Variants in SHROOM3 observed in about 807,000 individuals in gnomAD.
SHROOM3 encodes shroom family member 3.
SHROOM3 carries 47 observed loss-of-function variants against 138.6 expected under a neutral mutation model. The observed-to-expected ratio is 0.34, with a 90% confidence interval of 0.27 to 0.43. SHROOM3 has a LOEUF of 0.43. Ranked by LOEUF, SHROOM3 falls within the 20% of genes least tolerant of loss-of-function variation. SHROOM3 has a pLI of 1.00. For missense variants in SHROOM3, 2,491 were observed against 2,596.5 expected (o/e 0.96, Z 0.88); for synonymous variants, 1,062 against 1,063.3 (o/e 1.00, Z 0.02).
intron 1 of SHROOM3, among the ~76,000 whole-genome samples, chr4:76,491,654 A>G (rs1013572043): frequency 6.6e-6 from 1 of 152,210 alleles, no homozygotes; most frequent in Non-Finnish European, 1.5e-5. Context: ...CAAGAAAATT[A>G]GGGGAAGCTG....
intron 2 of SHROOM3, among the ~76,000 whole-genome samples, chr4:76,564,247 C>T (rs1733653647): frequency 6.6e-6 from 1 of 152,196 alleles, no homozygotes; most frequent in African/African-American, 2.4e-5. Flanking sequence ...TGAGACTTCC[C>T]TAGAGGGGAG....
At chr4:76,685,136 T>C (rs1186735828) in intron 2 of SHROOM3, among the ~76,000 whole-genome samples, 1 of 152,222 alleles carries the variant, frequency 6.6e-6, no homozygotes, top group Non-Finnish European at 1.5e-5. Context: ...AAACAATCTA[T>C]GTTTCAAGTG....
chr4:76,746,780 A>ACAT (rs1410445496), intron 5 of SHROOM3, among the ~76,000 whole-genome samples: 39 of 138,540 alleles, frequency 2.8e-4, no homozygotes, highest in South Asian at 9.4e-4. Flanking sequence ...CTTTAGATTT[A>ACAT]CATTATTATT....
Position 76,779,502 on chromosome 4 carries a change from T to C in SHROOM3, c.*325T>C. ...CTGAGGCAACATGGATCAGTGTGTGTCCCCCTCAGGAATGTATCCACAGTG... is the reference window on the plus strand; with the variant it reads ...CTGAGGCAACATGGATCAGTGTGTGCCCCCCTCAGGAATGTATCCACAGTG... On this transcript the variant is annotated 3_prime_UTR_variant, in exon 11 of 11. Coordinates refer to ENST00000296043, the MANE Select transcript of SHROOM3 (RefSeq NM_020859.4). The C allele has an allele frequency of 3.6e-6, 1 of 279,222 alleles. No individual in the cohort carries two copies. 17.3% of individuals were successfully genotyped at this position (279,222 alleles called of 1,614,324 possible).
chr4:76,731,039 C>A (rs531235714), intron 4 of SHROOM3, 104 bp downstream of exon 4: 24 of 1,452,240 alleles, frequency 1.7e-5, no homozygotes, highest in Non-Finnish European at 2.2e-5. Context: ...TTCTTATACT[C>A]ACACTAAATA....
At chr4:76,604,617 G>A (rs1024451783) in intron 2 of SHROOM3, among the ~76,000 whole-genome samples, 4 of 152,190 alleles carry the variant, frequency 2.6e-5, no homozygotes, top group Non-Finnish European at 5.9e-5. Flanking sequence ...CCACCTGAAG[G>A]ATGCCATGAA....
chr4:76,740,322 G>A lies in SHROOM3; in HGVS notation c.2149G>A (p.Asp717Asn). 6.2e-7 allele frequency: 1 copy of A among 1,613,122 alleles called. No individual in the cohort carries two copies. The highest frequency in any genetic ancestry group is 8.5e-7 in the Non-Finnish European group (1 of 1,180,028). ...CGCTCCTGACCTCGGGAGCCATCTG[G>A]ACCGGCAGGTTTCCTACCCGCGGCC... ...KAAPDLGSHL[D>N]RQVSYPRPEG... The change falls in exon 5 of 11, where the codon GAC becomes AAC. Residue 717 changes from aspartate to asparagine, a missense_variant. Asp to Asn is a conservative substitution (Grantham distance 23, BLOSUM62 1). Coordinates refer to ENST00000296043, the MANE Select transcript of SHROOM3 (RefSeq NM_020859.4). The surrounding 1 kb of genome is among the most constrained non-coding windows in gnomAD (Gnocchi z 4.0).
At chr4:76,455,681 G>A (rs1297002839) in intron 1 of SHROOM3, among the ~76,000 whole-genome samples, 1 of 152,118 alleles carries the variant, frequency 6.6e-6, no homozygotes, top group Non-Finnish European at 1.5e-5. Flanking sequence ...ATCTTCTCTA[G>A]TGATTACAAA....
At chr4:76,668,814 C>T (rs980376830) in intron 2 of SHROOM3, among the ~76,000 whole-genome samples, 5 of 152,168 alleles carry the variant, frequency 3.3e-5, no homozygotes, top group Admixed American at 2.0e-4. Flanking sequence ...GAAGCTGCTT[C>T]GTTACTCCAG....
At chr4:76,755,750 T>C (rs1481567709) in intron 7 of SHROOM3, among the ~76,000 whole-genome samples, 1 of 152,224 alleles carries the variant, frequency 6.6e-6, no homozygotes, top group African/African-American at 2.4e-5. Context: ...GCTCAGCTTC[T>C]CTTTCCAAAA....
intron 2 of SHROOM3, among the ~76,000 whole-genome samples, chr4:76,639,856 G>A (rs1257731963): frequency 3.9e-5 from 6 of 152,208 alleles, no homozygotes; most frequent in South Asian, 4.2e-4. Flanking sequence ...GTTAGACGAC[G>A]TTTTCCCTAA....
intron 1 of SHROOM3, among the ~76,000 whole-genome samples, chr4:76,545,491 G>A (rs1256649254): frequency 1.3e-5 from 2 of 152,172 alleles, no homozygotes; most frequent in East Asian, 1.9e-4. Flanking sequence ...CTCCAAAGGA[G>A]AGACTGTCTC....
At chr4:76,676,944 C>CAAAAAAAAAAAAAAAAAAAAAAAAAAA (rs58270392) in intron 2 of SHROOM3, among the ~76,000 whole-genome samples, 1 of 79,076 alleles carries the variant, frequency 1.3e-5, no homozygotes, top group African/African-American at 5.7e-5. Flanking sequence ...CTCCGTCTCA[C>CAAAAAAAAAAAAAAAAAAAAAAAAAAA]AAAAAAAAAA....
At chr4:76,580,446 CTTTTTTTT>C (rs869200924) in intron 2 of SHROOM3, among the ~76,000 whole-genome samples, 3 of 88,088 alleles carry the variant, frequency 3.4e-5, no homozygotes, top group African/African-American at 1.2e-4. Flanking sequence ...TGGGCAAGTT[CTTTTTTTT>C]TTTTTTTTTT....
At chr4:76,725,054 A>G (rs1720662758) in intron 3 of SHROOM3, among the ~76,000 whole-genome samples, 1 of 152,012 alleles carries the variant, frequency 6.6e-6, no homozygotes, top group Non-Finnish European at 1.5e-5. Flanking sequence ...CTCTCCCAAC[A>G]TATCTTCTGC....
intron 2 of SHROOM3, among the ~76,000 whole-genome samples, chr4:76,603,584 C>T (rs768911033): frequency 6.6e-6 from 1 of 151,086 alleles, no homozygotes; most frequent in Non-Finnish European, 1.5e-5. Context: ...TCTTTCTTTT[C>T]TTCTTCTTTT....
chr4:76,680,581 G>GT (rs1719164268), intron 2 of SHROOM3, among the ~76,000 whole-genome samples: 1 of 152,170 alleles, frequency 6.6e-6, no homozygotes, highest in African/African-American at 2.4e-5. Context: ...CCCCATACAT[G>GT]TTAAGTGCTG....
In SHROOM3 at chr4:76,740,453, G is replaced by A. The variant is rs759507248; in HGVS notation, c.2280G>A (p.Gly760=). Residue 760 remains glycine, a synonymous_variant, in exon 5 of 11, where the codon GGG becomes GGA. Transcript: ENST00000296043. This position sits in a 1 kb window ranked among gnomAD's most constrained non-coding sequence, Gnocchi z 4.0. ...ACACATCCAGTCTGGGCCGGAGGGG[G>A]CCCGGCCCAGGCAGCGCCTCGGCTC... The part of the protein sequence containing the change: ...HPHTSSLGRR[G]PGPGSASALQ... 15 of 1,611,546 alleles carry A rather than the reference G, an allele frequency of 9.3e-6. No homozygotes were observed. The highest frequency in any genetic ancestry group is 1.3e-5 in the Non-Finnish European group (15 of 1,178,662).
At chr4:76,743,994 T>C (rs1721349166) in intron 5 of SHROOM3, among the ~76,000 whole-genome samples, 1 of 152,214 alleles carries the variant, frequency 6.6e-6, no homozygotes, top group African/African-American at 2.4e-5. Context: ...ACCAAATCAT[T>C]ATTGTTTATT....
Sources: allele counts gnomAD v4.1 joint callset (sites outside exome capture counted in the v4.1 genomes callset), GRCh38; gene constraint gnomAD v4.1.1; non-coding constraint Gnocchi (gnomAD v3.1); transcripts MANE v1.5; gene names NCBI Gene and HGNC (gene_info 2026-07-23, HGNC 2026-07-21).